The following RHEB variants were observed in gnomAD, a reference collection of about 807,000 sequenced individuals.
RHEB encodes GTP-binding protein Rheb.
A neutral mutation model predicts 28.8 loss-of-function variants in RHEB; 2 were observed. The observed-to-expected ratio is 0.07, with a 90% CI of 0.03 to 0.22. The LOEUF (loss-of-function observed/expected upper bound fraction) is 0.22. Ranked by LOEUF, RHEB falls within the 10% of genes least tolerant of loss-of-function variation. The pLI, the probability that RHEB is intolerant of heterozygous loss-of-function variation, is 1.00. For synonymous variants in RHEB, 69 were observed against 77.3 expected, an observed-to-expected ratio of 0.89 and a Z score of 0.56; for missense variants, 76 against 219.9, an observed-to-expected ratio of 0.35 and a Z score of 4.14.
intron 1 of RHEB, among the ~76,000 whole-genome samples, chr7:151,504,278 T>C (rs1436749448): frequency 1.3e-5 from 2 of 152,036 alleles, no homozygotes; most frequent in Admixed American, 6.6e-5. Flanking sequence ...TCTGTGCTAT[T>C]GCTGGGATTG....
intron 1 of RHEB, among the ~76,000 whole-genome samples, chr7:151,507,065 G>A (rs1310230469): frequency 6.6e-6 from 1 of 152,230 alleles, no homozygotes; most frequent in Non-Finnish European, 1.5e-5. Flanking sequence ...AATACCAGGA[G>A]AGTGCCTCGT....
intron 1 of RHEB, among the ~76,000 whole-genome samples, chr7:151,506,686 A>T (rs1376748373): frequency 6.6e-6 from 1 of 152,248 alleles, no homozygotes; most frequent in Non-Finnish European, 1.5e-5. Flanking sequence ...AAGCCTCAAA[A>T]TAACACAAGC....
At chr7:151,477,053 T>C (rs1802283669) in intron 4 of RHEB, among the ~76,000 whole-genome samples, 1 of 152,150 alleles carries the variant, frequency 6.6e-6, no homozygotes. Context: ...AATTTAGGCA[T>C]TTCCCATTTC....
At position 151,466,779 on chromosome 7, in the gene RHEB, C is replaced by T. The variant is rs1802071063; in HGVS notation, c.*340G>A. On this transcript the variant is annotated 3_prime_UTR_variant, in exon 8 of 8. Coordinates refer to ENST00000262187, the MANE Select transcript of RHEB (RefSeq NM_005614.4). ...GAAATAAACACTGATATACTGAAGC[C>T]TAGTTAATAGTAGTGTAACAATATG... The T allele has an allele frequency of 9.4e-6, 2 of 212,584 alleles. No individual in the cohort carries two copies. Among genetic ancestry groups the T allele is most frequent in the Non-Finnish European group, 1.9e-5 (2 of 106,332 alleles). The allele number at this position is 212,584 out of a possible 1,614,324, so 13.2% of individuals were successfully genotyped here.
intron 1 of RHEB, among the ~76,000 whole-genome samples, chr7:151,493,486 T>C (rs1167880134): frequency 6.6e-6 from 1 of 152,196 alleles, no homozygotes; most frequent in Non-Finnish European, 1.5e-5. Context: ...TAGTGAACAC[T>C]CCACTGAAGC....
At chr7:151,515,407 T>C (rs1319326094) in intron 1 of RHEB, among the ~76,000 whole-genome samples, 2 of 152,220 alleles carry the variant, frequency 1.3e-5, no homozygotes, top group East Asian at 3.9e-4. Context: ...TACAGAGAGA[T>C]ATAACCCATA....
At chr7:151,501,436 A>ATAT (rs1212659873) in intron 1 of RHEB, among the ~76,000 whole-genome samples, 11 of 152,226 alleles carry the variant, frequency 7.2e-5, no homozygotes, top group Admixed American at 7.2e-4. Flanking sequence ...AAAATAAAAA[A>ATAT]TATTGGCCAT....
chr7:151,502,569 C>A, intron 1 of RHEB: 1 of 1,177,500 alleles, frequency 8.5e-7, no homozygotes, highest in Non-Finnish European at 1.3e-6. Context: ...TGTGTGACAA[C>A]AAATTCCATA....
chr7:151,500,490 T>C (rs1802754474), intron 1 of RHEB, among the ~76,000 whole-genome samples: 1 of 152,182 alleles, frequency 6.6e-6, no homozygotes, highest in African/African-American at 2.4e-5. Flanking sequence ...TCAATTGATT[T>C]TCAACAAAGA....
Position 151,470,657 on chromosome 7 carries a change from AG to A in RHEB, c.381-6del, listed in dbSNP as rs759650264. ...CCTTCTTCATAACTGATCACCCTAA[AG>A]AAAAAATAAAATTCTAGTTAAAGTA... On this transcript the variant is annotated splice_polypyrimidine_tract_variant and splice_region_variant and intron_variant, in intron 6 of 7. Coordinates refer to ENST00000262187, the MANE Select transcript of RHEB (RefSeq NM_005614.4). 3.2e-5 allele frequency: 51 copies of A among 1,595,680 alleles called. No homozygotes were observed. Among genetic ancestry groups the A allele is most frequent in the Non-Finnish European group, 1.4e-5 (16 of 1,168,250 alleles).
At chr7:151,490,881 C>G (rs753521510) in intron 2 of RHEB, 62 bp downstream of exon 2, 66 of 1,226,798 alleles carry the variant, frequency 5.4e-5, no homozygotes, top group Non-Finnish European at 7.6e-5. Context: ...CATGAATACA[C>G]AATGGCTATT....
intron 1 of RHEB, among the ~76,000 whole-genome samples, chr7:151,514,747 C>T (rs1186494445): frequency 6.6e-6 from 1 of 152,018 alleles, no homozygotes; most frequent in Admixed American, 6.6e-5. Flanking sequence ...TCATAGTAGC[C>T]AGAAAGTAGA....
At chr7:151,504,447 A>G (rs1439342938) in intron 1 of RHEB, among the ~76,000 whole-genome samples, 1 of 152,166 alleles carries the variant, frequency 6.6e-6, no homozygotes, top group Non-Finnish European at 1.5e-5. Flanking sequence ...ATCTGCATAT[A>G]TGAAAAGTCG....
At chr7:151,491,310 T>A (rs1011608995) in intron 1 of RHEB, among the ~76,000 whole-genome samples, 1 of 152,242 alleles carries the variant, frequency 6.6e-6, no homozygotes, top group Admixed American at 6.5e-5. Context: ...TCTAAAAGGT[T>A]TAAAGTAAGC....
intron 3 of RHEB, among the ~76,000 whole-genome samples, chr7:151,479,667 A>T (rs1377783757): frequency 7.1e-6 from 1 of 141,604 alleles, no homozygotes; most frequent in East Asian, 2.1e-4. Context: ...TGGGCGATAG[A>T]GCGAGACTCC....
At position 151,474,657 on chromosome 7, in the gene RHEB, T is replaced by C. The variant is rs968633829; in HGVS notation, c.275+2676A>G. On this transcript the variant is annotated intron_variant, in intron 4 of 7. Coordinates refer to ENST00000262187, the MANE Select transcript of RHEB (RefSeq NM_005614.4). ...ATCTCTCAACTGCAGGTTTCTTTTTTCCATTTCTAGAAATTATGAAATAGG... is the reference window on the plus strand; with the variant it reads ...ATCTCTCAACTGCAGGTTTCTTTTTCCCATTTCTAGAAATTATGAAATAGG... Among the ~76,000 whole-genome samples, 7 of 152,198 alleles carry C rather than the reference T, an allele frequency of 4.6e-5. No homozygotes were observed. The East Asian group carries it at 7.7e-4, about 17-fold the overall frequency.
At chr7:151,504,247 TG>T (rs1199802619) in intron 1 of RHEB, among the ~76,000 whole-genome samples, 1 of 152,140 alleles carries the variant, frequency 6.6e-6, no homozygotes, top group Non-Finnish European at 1.5e-5. Context: ...GAAACCAGTT[TG>T]GGTTGGATAT....
At chr7:151,475,118 G>C (rs1802250172) in intron 4 of RHEB, among the ~76,000 whole-genome samples, 1 of 152,104 alleles carries the variant, frequency 6.6e-6, no homozygotes, top group African/African-American at 2.4e-5. Context: ...CTTTGCACTA[G>C]GCCAGTGTTT....
At chr7:151,517,508 A>T (rs1218624714) in intron 1 of RHEB, among the ~76,000 whole-genome samples, 1 of 152,126 alleles carries the variant, frequency 6.6e-6, no homozygotes, top group Non-Finnish European at 1.5e-5. Flanking sequence ...AAGACAGAAA[A>T]TAGGGACTAA....
Sources: allele counts gnomAD v4.1 joint callset (sites outside exome capture counted in the v4.1 genomes callset), GRCh38; gene constraint gnomAD v4.1.1; transcripts MANE v1.5; gene names NCBI Gene and HGNC (gene_info 2026-07-23, HGNC 2026-07-21).